ST8SIA2: variants seen among roughly 807,000 people sequenced by gnomAD.
The protein encoded by ST8SIA2 is alpha-2,8-sialyltransferase 8B.
ST8SIA2 carries 22 observed loss-of-function variants against 37.6 expected under a neutral mutation model. That is an observed-to-expected ratio of 0.58 (90% CI 0.42 to 0.83). ST8SIA2 has a LOEUF of 0.83. Ranked by LOEUF, ST8SIA2 falls within the 40% of genes least tolerant of loss-of-function variation. The pLI is 0.00. For missense variants in ST8SIA2, 382 were observed against 484.7 expected (o/e 0.79, Z 1.99); for synonymous variants, 205 against 201.2 (o/e 1.02, Z -0.16).
intron 1 of ST8SIA2, among the ~76,000 whole-genome samples, chr15:92,428,707 G>A (rs2049694153): frequency 6.6e-6 from 1 of 152,150 alleles, no homozygotes; most frequent in Non-Finnish European, 1.5e-5. Flanking sequence ...TAAATATTAG[G>A]CATCAAATTA....
At chr15:92,434,155 C>T in intron 2 of ST8SIA2, 92 bp from the exon 3 acceptor site, 1 of 1,584,202 alleles carries the variant, frequency 6.3e-7, no homozygotes. Flanking sequence ...GAGAAGTTTA[C>T]ATTCAAGCCC....
chr15:92,426,177 T>C (rs902972594), intron 1 of ST8SIA2, among the ~76,000 whole-genome samples: 2 of 152,164 alleles, frequency 1.3e-5, no homozygotes, highest in East Asian at 1.9e-4. Context: ...CATCTGTGAT[T>C]CCATGAAGTA....
chr15:92,466,600 G>C lies in ST8SIA2; in HGVS notation c.*2215G>C, dbSNP rs1321113875. ...AGAACTCCTTGGGGGACCAGAACAT[G>C]GTTTTCCTTCTGCCTATCTTAGTCA... On this transcript the variant is annotated 3_prime_UTR_variant, in exon 6 of 6. Coordinates refer to ENST00000268164, the MANE Select transcript of ST8SIA2 (RefSeq NM_006011.4). 6.6e-6 allele frequency: 1 copy of C among 152,210 alleles called. No homozygotes were observed. The highest frequency in any genetic ancestry group is 6.5e-5 in the Admixed American group (1 of 15,288). 9.4% of individuals were successfully genotyped at this position (152,210 alleles called of 1,614,324 possible).
chr15:92,412,894 G>A (rs150002214), intron 1 of ST8SIA2, among the ~76,000 whole-genome samples: 1 of 152,204 alleles, frequency 6.6e-6, no homozygotes, highest in African/African-American at 2.4e-5. Context: ...TTGGCCTCAA[G>A]TGATTCGCCC....
At chr15:92,404,758 C>G (rs941246479) in intron 1 of ST8SIA2, among the ~76,000 whole-genome samples, 1 of 151,658 alleles carries the variant, frequency 6.6e-6, no homozygotes, top group Non-Finnish European at 1.5e-5. Context: ...TAGGTTGAAC[C>G]CGGGAGGCGG....
chr15:92,436,613 G>A lies in ST8SIA2; in HGVS notation c.291-1740G>A, dbSNP rs756874425. 1.1e-4 allele frequency among the ~76,000 whole-genome samples: 16 copies of A among 152,104 alleles called. 1 individual carries two copies. Among genetic ancestry groups the A allele is most frequent in the Non-Finnish European group, 1.9e-4 (13 of 68,030 alleles). On this transcript the variant is annotated intron_variant, in intron 3 of 5. Coordinates refer to ENST00000268164, the MANE Select transcript of ST8SIA2 (RefSeq NM_006011.4). ...CTAGGGGCTCTCTTTGTTTTTAAATGCTTTGGGGTAAGTAATTGCAAAGGT... is the reference window on the plus strand; with the variant it reads ...CTAGGGGCTCTCTTTGTTTTTAAATACTTTGGGGTAAGTAATTGCAAAGGT...
At chr15:92,446,929 G>A (rs767589100) in intron 5 of ST8SIA2, among the ~76,000 whole-genome samples, 1 of 152,116 alleles carries the variant, frequency 6.6e-6, no homozygotes, top group Non-Finnish European at 1.5e-5. Flanking sequence ...GTGCCAGAAT[G>A]CACATATGTT....
Position 92,394,010 on chromosome 15 carries a change from C to T in ST8SIA2, c.-55C>T, listed in dbSNP as rs188927412. 1.6e-3 allele frequency: 2,206 copies of T among 1,420,990 alleles called. 30 individuals are homozygous for T. In the African/African-American group the frequency reaches 0.027, roughly 17 times the overall value. The allele number at this position is 1,420,990 out of a possible 1,614,324, so 88.0% of individuals were successfully genotyped here. A position where few individuals can be genotyped will look rare whatever the true frequency, so the allele number is the denominator to read the frequency against. ...GCTCCGGCGTCCGCCGCTGCGCCCT[C>T]CGGCCCCTGCTCCTCGCGCCGGCCC... On this transcript the variant is annotated 5_prime_UTR_variant, in exon 1 of 6. Transcript: ENST00000268164.
Position 92,462,554 on chromosome 15 carries a change from T to G in ST8SIA2, c.843-1546T>G, listed in dbSNP as rs144461153. On this transcript the variant is annotated intron_variant, in intron 5 of 5. Coordinates refer to ENST00000268164, the MANE Select transcript of ST8SIA2 (RefSeq NM_006011.4). ...ATTAAACAGTTTCATCTTTCAGCAA[T>G]ATGTAAATGTTTTCTCTGACATGTC... Among the ~76,000 whole-genome samples, 250 of 152,310 alleles carry G rather than the reference T, an allele frequency of 1.6e-3. 3 individuals carry two copies. The highest frequency in any genetic ancestry group is 5.5e-3 in the African/African-American group (228 of 41,564).
At chr15:92,394,879 G>C (rs2049418751) in intron 1 of ST8SIA2, among the ~76,000 whole-genome samples, 1 of 152,202 alleles carries the variant, frequency 6.6e-6, no homozygotes, top group African/African-American at 2.4e-5. Flanking sequence ...GAGACATTTC[G>C]GGAAAGTCTG....
chr15:92,432,511 A>C lies in ST8SIA2; in HGVS notation c.162-1736A>C, dbSNP rs142516668. ...TAAATGGGCAATCTGTGGCTCAGAGAAGTAAAGCTATCGACCCACAGTCAC... is the reference window on the plus strand; with the variant it reads ...TAAATGGGCAATCTGTGGCTCAGAGCAGTAAAGCTATCGACCCACAGTCAC... On this transcript the variant is annotated intron_variant, in intron 2 of 5. Coordinates refer to ENST00000268164, the MANE Select transcript of ST8SIA2 (RefSeq NM_006011.4). Among the ~76,000 whole-genome samples the C allele has an allele frequency of 2.8e-4, 42 of 152,296 alleles. No individual in the cohort carries two copies. The East Asian group carries it at 7.7e-3, about 28-fold the overall frequency.
At chr15:92,404,637 C>T (rs1249810216) in intron 1 of ST8SIA2, among the ~76,000 whole-genome samples, 4 of 133,380 alleles carry the variant, frequency 3.0e-5, no homozygotes, top group African/African-American at 8.6e-5. Flanking sequence ...GCCTGGCCAA[C>T]ATGGTGAAAC....
chr15:92,447,377 T>A (rs1249717699), intron 5 of ST8SIA2, among the ~76,000 whole-genome samples: 1 of 152,162 alleles, frequency 6.6e-6, no homozygotes, highest in East Asian at 1.9e-4. Context: ...AGTTCTTTCT[T>A]GAGCATACGA....
At chr15:92,425,488 G>C (rs1359078660) in intron 1 of ST8SIA2, among the ~76,000 whole-genome samples, 1 of 152,196 alleles carries the variant, frequency 6.6e-6, no homozygotes, top group African/African-American at 2.4e-5. Flanking sequence ...AACAAGACAG[G>C]CTTCTATTCT....
chr15:92,395,596 T>C (rs73543829), intron 1 of ST8SIA2, among the ~76,000 whole-genome samples: 4,926 of 152,304 alleles, frequency 0.032, 222 homozygotes, highest in African/African-American at 0.1. Flanking sequence ...GCGCAGTTAA[T>C]ACACAACGTG....
chr15:92,408,593 T>C (rs2049525274), intron 1 of ST8SIA2, among the ~76,000 whole-genome samples: 1 of 152,136 alleles, frequency 6.6e-6, no homozygotes, highest in Non-Finnish European at 1.5e-5. Context: ...TTTCTCTCTA[T>C]GGCCAAAGGA....
chr15:92,408,676 TTTTTA>T (rs1348637115), intron 1 of ST8SIA2, among the ~76,000 whole-genome samples: 1 of 111,910 alleles, frequency 8.9e-6, no homozygotes, highest in East Asian at 2.7e-4. Context: ...AGTTCCATTT[TTTTTA>T]TTTATTTATT....
chr15:92,394,646 G>A (rs907227236), intron 1 of ST8SIA2, among the ~76,000 whole-genome samples: 1 of 152,168 alleles, frequency 6.6e-6, no homozygotes, highest in Admixed American at 6.5e-5. Flanking sequence ...AGCGGAGGGC[G>A]GGGTTCTGCA....
chr15:92,453,110 G>T (rs990009151), intron 5 of ST8SIA2, among the ~76,000 whole-genome samples: 4 of 152,110 alleles, frequency 2.6e-5, no homozygotes, highest in South Asian at 2.1e-4. Flanking sequence ...TGCAGATGAG[G>T]AGAGGAAGGA....
Sources: gnomAD v4.1 joint callset for allele counts (sites outside exome capture counted in the v4.1 genomes callset) on GRCh38, gnomAD v4.1.1 for gene constraint, MANE v1.5 for transcripts, NCBI Gene and HGNC (gene_info 2026-07-23, HGNC 2026-07-21) for gene names.